The following CPE variants were observed in gnomAD, a reference collection of about 807,000 sequenced individuals.
CPE encodes carboxypeptidase E, also known as carbocypeptidase E.
A neutral mutation model predicts 53.5 loss-of-function variants in CPE; 17 were observed. That is an observed-to-expected ratio of 0.32 (90% confidence interval 0.22 to 0.48). The LOEUF is 0.48. Among genes scored for constraint, CPE ranks in the 20% least tolerant of loss-of-function variants. The pLI is 0.99. For synonymous variants in CPE, 226 were observed against 228.8 expected (o/e 0.99, Z 0.11); for missense variants, 524 against 614.7 (o/e 0.85, Z 1.56).
intron 1 of CPE, among the ~76,000 whole-genome samples, chr4:165,384,101 A>G (rs1579236576): frequency 6.6e-6 from 1 of 152,344 alleles, no homozygotes; most frequent in East Asian, 1.9e-4. Context: ...CACGGGGCGA[A>G]ATCCTATTTC....
At chr4:165,454,122 C>T (rs1460237362) in intron 1 of CPE, among the ~76,000 whole-genome samples, 1 of 152,082 alleles carries the variant, frequency 6.6e-6, no homozygotes, top group African/African-American at 2.4e-5. Flanking sequence ...CACAAATTTC[C>T]TGAAAATTAA....
Position 165,464,565 on chromosome 4 carries a change from C to T in CPE, c.483C>T (p.Gly161=). The change falls in exon 2 of 9, where the codon GGC becomes GGT. Residue 161 remains glycine, a synonymous_variant. Coordinates refer to ENST00000402744, the MANE Select transcript of CPE (RefSeq NM_001873.4). The part of the protein sequence containing the change: ...IHIMPSLNPD[G]FEKAASQPGE... ...TCATGCCTTCCCTGAACCCAGATGG[C>T]TTTGAGAAGGCAGCGTCTCAGGTGA... 6.2e-7 allele frequency: 1 copy of T among 1,611,606 alleles called. No individual in the cohort carries two copies. The highest frequency in any genetic ancestry group is 8.5e-7 in the Non-Finnish European group (1 of 1,178,536).
At chr4:165,487,006 G>C (rs1422442987) in intron 5 of CPE, among the ~76,000 whole-genome samples, 1 of 152,166 alleles carries the variant, frequency 6.6e-6, no homozygotes, top group Non-Finnish European at 1.5e-5. Context: ...CTATGATATT[G>C]ATTGGGCTTA....
At chr4:165,389,675 C>T (rs1258789615) in intron 1 of CPE, among the ~76,000 whole-genome samples, 4 of 152,070 alleles carry the variant, frequency 2.6e-5, no homozygotes, top group Admixed American at 6.5e-5. Flanking sequence ...GGTGACTTAA[C>T]GGCCATTTAT....
chr4:165,401,602 C>T (rs1245785226), intron 1 of CPE, among the ~76,000 whole-genome samples: 1 of 152,232 alleles, frequency 6.6e-6, no homozygotes, highest in Non-Finnish European at 1.5e-5. Flanking sequence ...ACAACATACA[C>T]TTAATGAATA....
At chr4:165,466,003 C>A (rs1337411812) in intron 2 of CPE, among the ~76,000 whole-genome samples, 1 of 151,984 alleles carries the variant, frequency 6.6e-6, no homozygotes, top group Non-Finnish European at 1.5e-5. Flanking sequence ...AAATATTATT[C>A]ATCGAACATA....
chr4:165,443,562 G>A (rs1318310807), intron 1 of CPE, among the ~76,000 whole-genome samples: 1 of 152,154 alleles, frequency 6.6e-6, no homozygotes, highest in Non-Finnish European at 1.5e-5. Context: ...CCTCCTCACT[G>A]TATCCTCACA....
At chr4:165,410,045 C>T (rs1579248725) in intron 1 of CPE, among the ~76,000 whole-genome samples, 1 of 151,940 alleles carries the variant, frequency 6.6e-6, no homozygotes, top group Non-Finnish European at 1.5e-5. Context: ...GTCAGGAGTT[C>T]GAGACCAGCC....
rs542585588 is a variant in CPE at position 165,418,011 on chromosome 4, A to G, written c.307+38483A>G. ...ATTCATGTCGTACTCTTGGAATTGA[A>G]TTCTGACAGGTGGACTGAGAGTTTT... On this transcript the variant is annotated intron_variant, in intron 1 of 8. Coordinates refer to ENST00000402744, the MANE Select transcript of CPE (RefSeq NM_001873.4). Among the ~76,000 whole-genome samples the G allele has an allele frequency of 6.9e-4, 105 of 152,302 alleles. No individual in the cohort carries two copies. The South Asian group carries it at 0.021, about 30-fold the overall frequency.
chr4:165,456,739 A>ATTTTTTT (rs35855408), intron 1 of CPE, among the ~76,000 whole-genome samples: 1 of 101,196 alleles, frequency 9.9e-6, no homozygotes, highest in African/African-American at 4.2e-5. Context: ...TGCCCAGCTA[A>ATTTTTTT]TTTTTTTTTT....
At chr4:165,459,576 T>C (rs1731957646) in intron 1 of CPE, among the ~76,000 whole-genome samples, 2 of 151,260 alleles carry the variant, frequency 1.3e-5, no homozygotes, top group African/African-American at 4.9e-5. Flanking sequence ...GATTCCTCAA[T>C]TGCAAGATCA....
At chr4:165,453,928 C>T (rs1385820233) in intron 1 of CPE, among the ~76,000 whole-genome samples, 2 of 152,122 alleles carry the variant, frequency 1.3e-5, no homozygotes, top group Admixed American at 6.5e-5. Flanking sequence ...TACAGAAATG[C>T]CCTCACTTTT....
intron 3 of CPE, among the ~76,000 whole-genome samples, chr4:165,477,997 C>A (rs1732333513): frequency 6.6e-6 from 1 of 152,190 alleles, no homozygotes; most frequent in Non-Finnish European, 1.5e-5. Flanking sequence ...GTCACCTCCA[C>A]TGTTATCTGG....
At chr4:165,443,225 G>A (rs1490746974) in intron 1 of CPE, among the ~76,000 whole-genome samples, 1 of 152,174 alleles carries the variant, frequency 6.6e-6, no homozygotes, top group Non-Finnish European at 1.5e-5. Flanking sequence ...AATGGCATTT[G>A]CTGAGTAGCT....
intron 1 of CPE, among the ~76,000 whole-genome samples, chr4:165,408,550 C>T (rs2126666346): frequency 6.6e-6 from 1 of 152,292 alleles, no homozygotes; most frequent in Admixed American, 6.5e-5. Context: ...AATTTAAAAG[C>T]CTTAGATTAT....
chr4:165,406,440 A>G (rs527611059), intron 1 of CPE: 1 of 302,718 alleles, frequency 3.3e-6, no homozygotes, highest in Non-Finnish European at 6.6e-6. Context: ...ATAACCAAGG[A>G]GAATACAAAT....
intron 7 of CPE, among the ~76,000 whole-genome samples, chr4:165,494,110 A>G (rs1227509942): frequency 6.6e-6 from 1 of 152,166 alleles, no homozygotes; most frequent in Non-Finnish European, 1.5e-5. Flanking sequence ...TTTGTCCTCT[A>G]AAACTCCATT....
intron 1 of CPE, among the ~76,000 whole-genome samples, chr4:165,422,976 CAAA>C (rs58058891): frequency 1.3e-5 from 1 of 77,018 alleles, no homozygotes. Flanking sequence ...AACTCTGTCT[CAAA>C]AAAAAAAAAA....
chr4:165,446,974 G>A (rs1731727644), intron 1 of CPE, among the ~76,000 whole-genome samples: 1 of 152,196 alleles, frequency 6.6e-6, no homozygotes, highest in Non-Finnish European at 1.5e-5. Context: ...TACTACACAT[G>A]TAGGTTATGT....
Sources: gnomAD v4.1 joint callset for allele counts (sites outside exome capture counted in the v4.1 genomes callset) on GRCh38, gnomAD v4.1.1 for gene constraint, MANE v1.5 for transcripts, NCBI Gene and HGNC (gene_info 2026-07-23, HGNC 2026-07-21) for gene names.